Variants in REPS1 observed in about 807,000 individuals in gnomAD.
REPS1 encodes the protein ralBP1-associated Eps domain-containing protein 1.
A neutral mutation model predicts 100.9 loss-of-function variants in REPS1; 39 were observed. The ratio of observed to expected loss-of-function variants is 0.39; its 90% CI spans 0.30 to 0.50. The LOEUF (loss-of-function observed/expected upper bound fraction) is 0.50. REPS1 is among the 20% of genes least tolerant of loss of function. The pLI is 0.86. For missense variants in REPS1, 821 were observed against 968.5 expected (o/e 0.85, Z 2.02); for synonymous variants, 324 against 340.3 (o/e 0.95, Z 0.53).
intron 1 of REPS1, among the ~76,000 whole-genome samples, chr6:138,963,658 T>A (rs1001539417): frequency 6.6e-6 from 1 of 152,210 alleles, no homozygotes; most frequent in Non-Finnish European, 1.5e-5. Flanking sequence ...ATCTTCAGCA[T>A]TGAAGTACAC....
rs1050671231 is a variant in REPS1 at position 138,944,513 on chromosome 6, A to G, written c.738T>C (p.His246=). 6.2e-7 allele frequency: 1 copy of G among 1,613,906 alleles called. No individual in the cohort carries two copies. The highest frequency in any genetic ancestry group is 1.3e-5 in the African/African-American group (1 of 74,950). ...AATGTCACACCTGGACAGAAGCAGG[A>G]TGCATGGTTAAAAGAGTACTGGTTG... ...TPPTSTLLTM[H]PASVQDQTTV... The change falls in exon 5 of 20, where the codon CAT becomes CAC. Residue 246 remains histidine (H), a synonymous_variant. Coordinates refer to ENST00000450536, the MANE Select transcript of REPS1 (RefSeq NM_001286611.2).
intron 10 of REPS1, 150 bp from the exon 11 acceptor site, chr6:138,921,274 G>T: frequency 1.8e-6 from 1 of 562,154 alleles, no homozygotes; most frequent in Non-Finnish European, 3.1e-6. Flanking sequence ...TAAGTTAAAA[G>T]CTCTAGAATT....
chr6:138,979,534 C>T (rs186901358), intron 1 of REPS1, among the ~76,000 whole-genome samples: 15 of 152,296 alleles, frequency 9.8e-5, no homozygotes, highest in African/African-American at 3.4e-4. Flanking sequence ...GTCCATGAAA[C>T]TGGCTCACTG....
chr6:138,913,290 G>A (rs1780135118), intron 15 of REPS1, among the ~76,000 whole-genome samples: 1 of 151,932 alleles, frequency 6.6e-6, no homozygotes, highest in Admixed American at 6.6e-5. Flanking sequence ...TTGGACTAAT[G>A]CACAATAGTT....
rs1262469372 is a variant in REPS1 at position 138,987,749 on chromosome 6, G to A, written c.-67C>T. 3.5e-6 allele frequency: 5 copies of A among 1,426,564 alleles called. No homozygotes were observed. In the East Asian group the frequency reaches 1.4e-4, roughly 41 times the overall value. 88.4% of individuals were successfully genotyped at this position (1,426,564 alleles called of 1,614,324 possible). A position where few individuals can be genotyped will look rare whatever the true frequency, so the allele number is the denominator to read the frequency against. ...CTCGGGGCCCGGCCCCAGGAACCTG[G>A]GCCGGCAGGGGCTGCGCGTGGCCCG... On this transcript the variant is annotated 5_prime_UTR_variant, in exon 1 of 20. Transcript: ENST00000450536.
At chr6:138,958,650 T>C (rs1190004609) in intron 1 of REPS1, among the ~76,000 whole-genome samples, 2 of 152,224 alleles carry the variant, frequency 1.3e-5, no homozygotes, top group Non-Finnish European at 2.9e-5. Flanking sequence ...TGTAGTATAC[T>C]GCAATTATGT....
At chr6:138,920,147 T>G (rs192416080) in intron 12 of REPS1, 68 bp downstream of exon 12, 74 of 846,854 alleles carry the variant, frequency 8.7e-5, no homozygotes, top group Non-Finnish European at 8.5e-5. Context: ...TGCATACACA[T>G]CTGAAATAGT....
At chr6:138,945,020 A>AGG (rs1193023884) in intron 4 of REPS1, among the ~76,000 whole-genome samples, 199 bp downstream of exon 4, 2 of 152,200 alleles carry the variant, frequency 1.3e-5, no homozygotes, top group Non-Finnish European at 2.9e-5. Flanking sequence ...GCAACTCCTG[A>AGG]AGGAATATTA....
intron 1 of REPS1, among the ~76,000 whole-genome samples, chr6:138,952,401 T>C (rs1371682202): frequency 6.8e-6 from 1 of 147,310 alleles, no homozygotes; most frequent in African/African-American, 2.5e-5. Context: ...TTTTTTTTTC[T>C]TTTTTTTTTT....
intron 1 of REPS1, among the ~76,000 whole-genome samples, chr6:138,986,942 C>G (rs561533447): frequency 1.3e-5 from 2 of 152,304 alleles, no homozygotes; most frequent in East Asian, 1.9e-4. Context: ...AAACATTGTT[C>G]AGTCTCATCA....
chr6:138,911,323 C>G lies in REPS1; in HGVS notation c.2020G>C (p.Asp674His). 1 of 1,613,806 alleles carries G rather than the reference C, an allele frequency of 6.2e-7. No individual in the cohort carries two copies. Among genetic ancestry groups the G allele is most frequent in the Non-Finnish European group, 8.5e-7 (1 of 1,179,792 alleles). ...PASSLRVAKT[D>H]SKTEEKTAAS... ...GCTGTCTTTTCTTCAGTTTTACTAT[C>G]TGTTTTGGCAACTCGAAGAGAACTT... Residue 674 changes from aspartate to histidine, a missense_variant, in exon 17 of 20, where the codon GAT becomes CAT. Asp to His is a moderately conservative substitution (Grantham distance 81). This residue lies in a region of REPS1 where 757 missense variants were observed against 866.4 expected (regional missense o/e 0.87). Coordinates refer to ENST00000450536, the MANE Select transcript of REPS1 (RefSeq NM_001286611.2).
intron 9 of REPS1, chr6:138,929,110 G>C (rs1781327732): frequency 6.6e-6 from 1 of 152,058 alleles, no homozygotes; most frequent in Non-Finnish European, 1.5e-5. Flanking sequence ...CTTCCTGAAA[G>C]TGAACAAACT....
chr6:138,972,062 G>A (rs1784374701), intron 1 of REPS1, among the ~76,000 whole-genome samples: 1 of 152,166 alleles, frequency 6.6e-6, no homozygotes, highest in African/African-American at 2.4e-5. Context: ...AAGCAGCCAA[G>A]CAATGGCATA....
In REPS1 at chr6:138,945,202, A is replaced by C; in HGVS notation, c.628+17T>G. Reference sequence around the variant, plus strand: ...TGGGCAACACAATGACACTCTAATCAATCAATCTCTAAATACCTGATTGTG... The same window carrying C: ...TGGGCAACACAATGACACTCTAATCCATCAATCTCTAAATACCTGATTGTG... On this transcript the variant is annotated intron_variant, in intron 4 of 19. Transcript: ENST00000450536. The C allele has an allele frequency of 6.3e-7, 1 of 1,587,654 alleles. No homozygotes were observed. Among genetic ancestry groups the C allele is most frequent in the Non-Finnish European group, 8.6e-7 (1 of 1,167,604 alleles).
Position 138,917,537 on chromosome 6 carries a change from A to AT in REPS1, c.1601+17dup. The AT allele has an allele frequency of 1.9e-6, 3 of 1,593,000 alleles. No individual in the cohort carries two copies. Among genetic ancestry groups the AT allele is most frequent in the Non-Finnish European group, 2.6e-6 (3 of 1,161,060 alleles). On this transcript the variant is annotated intron_variant, in intron 13 of 19. Transcript: ENST00000450536. Reference sequence around the variant, plus strand: ...AGCAAGATAGTTTAACATGCTTTTCATTGACAGAAATACTGACCTTTGACG... The same window carrying AT: ...AGCAAGATAGTTTAACATGCTTTTCATTTGACAGAAATACTGACCTTTGACG...
chr6:138,921,728 C>T (rs1046942841), intron 10 of REPS1, among the ~76,000 whole-genome samples: 1 of 151,940 alleles, frequency 6.6e-6, no homozygotes, highest in Admixed American at 6.6e-5. Context: ...TAGGCACCTG[C>T]CACCATGCCC....
intron 9 of REPS1, 181 bp downstream of exon 9, chr6:138,929,796 G>A (rs1781373022): frequency 1.9e-6 from 1 of 537,598 alleles, no homozygotes; most frequent in Non-Finnish European, 3.2e-6. Context: ...TCAAATGACA[G>A]AATATATACT....
intron 10 of REPS1, among the ~76,000 whole-genome samples, chr6:138,923,571 T>C (rs1780916890): frequency 6.6e-6 from 1 of 152,236 alleles, no homozygotes; most frequent in Admixed American, 6.5e-5. Context: ...CTCATCCACC[T>C]ACAATTTTCC....
chr6:138,987,825 G>C lies in REPS1; in HGVS notation c.-143C>G, dbSNP rs1313461381. The C allele has an allele frequency of 9.6e-7, 1 of 1,043,474 alleles. No homozygotes were observed. The highest frequency in any genetic ancestry group is 1.3e-6 in the Non-Finnish European group (1 of 796,376). The allele number at this position is 1,043,474 out of a possible 1,614,324, so 64.6% of individuals were successfully genotyped here. On this transcript the variant is annotated 5_prime_UTR_variant, in exon 1 of 20. Transcript: ENST00000450536. ...CCGGCCCCGGCCTCACACGCGCCAGGTGCGCCCGAGCAACAGGGCCCGGAG... is the reference window on the plus strand; with the variant it reads ...CCGGCCCCGGCCTCACACGCGCCAGCTGCGCCCGAGCAACAGGGCCCGGAG...
Sources: gnomAD v4.1 joint callset for allele counts (sites outside exome capture counted in the v4.1 genomes callset) on GRCh38, gnomAD v4.1.1 for gene constraint, gnomAD v4.1.1 regional missense constraint, MANE v1.5 for transcripts, NCBI Gene and HGNC (gene_info 2026-07-23, HGNC 2026-07-21) for gene names.